The following CDH3 variants were observed in gnomAD, a reference collection of about 807,000 sequenced individuals.
CDH3 encodes the protein cadherin 3.
CDH3 carries 54 observed loss-of-function variants against 82.0 expected under a neutral mutation model. That is an observed-to-expected ratio of 0.66 (90% CI 0.53 to 0.83). The LOEUF is 0.83. Among genes scored for constraint, CDH3 ranks in the 40% least tolerant of loss-of-function variants. The pLI is 0.00. For synonymous variants in CDH3, 446 were observed against 437.9 expected (o/e 1.02, Z -0.23); for missense variants, 1,054 against 1,084.6 (o/e 0.97, Z 0.40).
At chr16:68,727,811 A>G (rs2152112001), downstream of CDH3, among the ~76,000 whole-genome samples, 1 of 152,204 alleles carries the variant, frequency 6.6e-6, no homozygotes, top group East Asian at 1.9e-4. Flanking sequence ...CAGGAGACTG[A>G]GACAGGAGAA....
intron 13 of CDH3, among the ~76,000 whole-genome samples, chr16:68,693,489 T>C (rs1017100998): frequency 4.6e-5 from 7 of 152,130 alleles, no homozygotes; most frequent in African/African-American, 9.7e-5. Context: ...GCTTTCGGCT[T>C]AAGGAGAAAC....
downstream of CDH3, among the ~76,000 whole-genome samples, chr16:68,731,397 T>A (rs866667200): frequency 4.7e-3 from 149 of 31,436 alleles, 37 homozygotes; most frequent in African/African-American, 0.024. Context: ...AAAAAAAAAA[T>A]ATATATATAT....
chr16:68,649,972 T>A (rs866235047), intron 2 of CDH3, among the ~76,000 whole-genome samples: 2 of 151,682 alleles, frequency 1.3e-5, no homozygotes, highest in Admixed American at 6.6e-5. Context: ...AAGTGGAGGT[T>A]GCAGCAAGCC....
At chr16:68,646,194 C>G (rs1307214811) in intron 2 of CDH3, 4 of 189,138 alleles carry the variant, frequency 2.1e-5, no homozygotes, top group Non-Finnish European at 1.1e-5. Flanking sequence ...GACAGACAGA[C>G]CGGGTCTGTT....
intron 6 of CDH3, 71 bp downstream of exon 6, chr16:68,678,977 A>G: frequency 6.7e-7 from 1 of 1,497,376 alleles, no homozygotes; most frequent in Non-Finnish European, 9.3e-7. Flanking sequence ...ATCCCACCAT[A>G]CCTGATTTCC....
At chr16:68,685,651 C>CA (rs1201929054) in intron 11 of CDH3, among the ~76,000 whole-genome samples, 1 of 151,488 alleles carries the variant, frequency 6.6e-6, no homozygotes, top group Non-Finnish European at 1.5e-5. Flanking sequence ...ACTAAATATA[C>CA]AAAAAATTAG....
chr16:68,708,288 C>T (rs1961988545), intron 1 of CDH3, among the ~76,000 whole-genome samples: 1 of 151,548 alleles, frequency 6.6e-6, no homozygotes, highest in Non-Finnish European at 1.5e-5. Context: ...GATCCCACCA[C>T]TGCAGTCCAG....
chr16:68,667,282 A>G (rs959818350), intron 2 of CDH3, among the ~76,000 whole-genome samples: 1 of 152,184 alleles, frequency 6.6e-6, no homozygotes, highest in African/African-American at 2.4e-5. Context: ...TTGTTTTGTG[A>G]GCTAGGTATG....
intron 15 of CDH3, among the ~76,000 whole-genome samples, chr16:68,697,820 G>C (rs1263637733): frequency 6.6e-6 from 1 of 151,988 alleles, no homozygotes; most frequent in African/African-American, 2.4e-5. Flanking sequence ...AGTACCTCCC[G>C]AGGCTGTGTC....
At chr16:68,648,308 A>C (rs561300523) in intron 2 of CDH3, among the ~76,000 whole-genome samples, 1 of 152,210 alleles carries the variant, frequency 6.6e-6, no homozygotes, top group African/African-American at 2.4e-5. Context: ...CCAGTCCTGT[A>C]TGAATTATGA....
At chr16:68,709,945 C>T (rs1215777925) in intron 1 of CDH3, among the ~76,000 whole-genome samples, 1 of 152,244 alleles carries the variant, frequency 6.6e-6, no homozygotes, top group African/African-American at 2.4e-5. Flanking sequence ...GCCACCAGCA[C>T]CCCAACTGGG....
chr16:68,646,976 T>TA (rs1960091552), intron 2 of CDH3, among the ~76,000 whole-genome samples: 1 of 117,656 alleles, frequency 8.5e-6, no homozygotes, highest in South Asian at 3.2e-4. Flanking sequence ...AGGCCCTTTT[T>TA]AAAAAAATTC....
At chr16:68,660,754 C>A (rs184278854) in intron 2 of CDH3, among the ~76,000 whole-genome samples, 2 of 152,032 alleles carry the variant, frequency 1.3e-5, no homozygotes, top group Non-Finnish European at 1.5e-5. Flanking sequence ...GTCAGGAGAT[C>A]GAGACTATCC....
At chr16:68,711,509 ACAGGGCTGGCTGCACG>A (rs1163323404) in intron 1 of CDH3, among the ~76,000 whole-genome samples, 16 of 152,252 alleles carry the variant, frequency 1.1e-4, no homozygotes, top group Non-Finnish European at 2.1e-4. Flanking sequence ...GGAACTGCAC[ACAGGGCTGGCTGCACG>A]CAGGGCTGGC....
chr16:68,691,922 G>A lies in CDH3; in HGVS notation c.1998G>A (p.Leu666=), dbSNP rs1961591751. The change falls in exon 13 of 16, where the codon CTG becomes CTA. Residue 666 remains leucine (L), a synonymous_variant. Transcript: ENST00000264012. ...CTGTGCTGGGGGCTGTCCTGGCTCT[G>A]CTGTGTGAGTACCAGGCCCCCACCC... is the stretch of plus-strand genomic sequence containing the variant. ...ILPVLGAVLA[L]LFLLLVLLLL... 22 of 1,611,490 alleles carry A rather than the reference G, an allele frequency of 1.4e-5. No homozygotes were observed. Among genetic ancestry groups the A allele is most frequent in the Non-Finnish European group, 1.9e-5 (22 of 1,178,574 alleles).
intron 2 of CDH3, among the ~76,000 whole-genome samples, chr16:68,724,771 G>A (rs919596657): frequency 5.3e-5 from 8 of 152,158 alleles, no homozygotes; most frequent in Non-Finnish European, 8.8e-5. Flanking sequence ...CTATATGGAT[G>A]TCACATCAAG....
chr16:68,653,759 G>A (rs962356699), intron 2 of CDH3, among the ~76,000 whole-genome samples: 186 of 148,312 alleles, frequency 1.3e-3, no homozygotes, highest in African/African-American at 4.5e-3. Context: ...GCCTGATCTC[G>A]GCTCACTGCA....
At chr16:68,674,279 A>G (rs188443429) in intron 2 of CDH3, among the ~76,000 whole-genome samples, 46 of 152,120 alleles carry the variant, frequency 3.0e-4, no homozygotes, top group South Asian at 2.1e-4. Flanking sequence ...TTTCCCTATT[A>G]ACTAATGATA....
intron 8 of CDH3, among the ~76,000 whole-genome samples, chr16:68,681,340 A>G (rs557488949): frequency 1.3e-5 from 2 of 152,360 alleles, no homozygotes; most frequent in South Asian, 4.1e-4. Flanking sequence ...GTTTCCTAAC[A>G]CGATGCCCTA....
Sources: allele counts gnomAD v4.1 joint callset (sites outside exome capture counted in the v4.1 genomes callset), GRCh38; gene constraint gnomAD v4.1.1; transcripts MANE v1.5; gene names NCBI Gene and HGNC (gene_info 2026-07-23, HGNC 2026-07-21).